Variants in NPC1L1 observed in about 807,000 individuals in gnomAD.
NPC1L1 encodes the protein NPC1 like intracellular cholesterol transporter 1, also known as NPC1-like intracellular cholesterol transporter 1.
A neutral mutation model predicts 117.0 loss-of-function variants in NPC1L1; 98 were observed. The observed-to-expected ratio is 0.84, with a 90% confidence interval of 0.71 to 0.99. The LOEUF (loss-of-function observed/expected upper bound fraction) is 0.99, where lower values mean the gene tolerates loss of function less well. Among genes scored for constraint, NPC1L1 ranks in the 50% least tolerant of loss-of-function variants. NPC1L1 has a pLI of 0.00. For missense variants in NPC1L1, 1,540 were observed against 1,710.0 expected, an observed-to-expected ratio of 0.90 and a Z score of 1.75; for synonymous variants, 729 against 727.6, an observed-to-expected ratio of 1.00 and a Z score of -0.03.
In NPC1L1 at chr7:44,515,870, G is replaced by A. The variant is rs1217611394; in HGVS notation, c.3729C>T (p.Asn1243=). 6.2e-7 allele frequency: 1 copy of A among 1,614,080 alleles called. No individual in the cohort carries two copies. Among genetic ancestry groups the A allele is most frequent in the African/African-American group, 1.3e-5 (1 of 74,936 alleles). The change falls in exon 18 of 19, where the codon AAC becomes AAT. Residue 1243 remains asparagine, a synonymous_variant. Transcript: ENST00000381160. The part of the protein sequence containing the change: ...QLIQIFFFRL[N]LLITLLGLLH... ...GCAGGCCCAGCAGAGTGATCAGGAG[G>A]TTGAGGCGGAAGAAGAAGATCTGAA...
chr7:44,519,516 G>A (rs1801287945), intron 14 of NPC1L1, among the ~76,000 whole-genome samples: 1 of 152,142 alleles, frequency 6.6e-6, no homozygotes, highest in Admixed American at 6.5e-5. Flanking sequence ...TTCATAGCTG[G>A]AAGGGTGGGG....
chr7:44,517,426 C>T, intron 14 of NPC1L1, 69 bp from the exon 15 acceptor site: 1 of 1,578,578 alleles, frequency 6.3e-7, no homozygotes, highest in Non-Finnish European at 8.6e-7. Flanking sequence ...AACTTCAGAA[C>T]ACCGCAGACG....
At chr7:44,529,341 A>G in intron 10 of NPC1L1, among the ~76,000 whole-genome samples, 1 of 152,002 alleles carries the variant, frequency 6.6e-6, no homozygotes. Flanking sequence ...AGTAACCAAA[A>G]GAGAATAGGG....
At chr7:44,524,010 T>C (rs1484386703) in intron 10 of NPC1L1, among the ~76,000 whole-genome samples, 1 of 152,230 alleles carries the variant, frequency 6.6e-6, no homozygotes, top group Non-Finnish European at 1.5e-5. Flanking sequence ...CTCCACATCT[T>C]ACTAAAGTGA....
In NPC1L1 at chr7:44,516,830, A is replaced by C. The variant is rs902225009; in HGVS notation, c.3392T>G (p.Leu1131Arg). The change falls in exon 16 of 19, where the codon CTG (leucine) becomes CGG (arginine). Residue 1131 changes from leucine to arginine, a missense_variant. Leu to Arg is a moderately radical substitution (Grantham distance 102, BLOSUM62 -2). This residue lies in a region of NPC1L1 where 742 missense variants were observed against 873.6 expected (regional missense o/e 0.85). Transcript: ENST00000381160. ...GAGGCCGGAGCGCAGGTCCAGGCCCAGCAGGAGGCAGGAGACAGCGAAGGT... is the reference window on the plus strand; with the variant it reads ...GAGGCCGGAGCGCAGGTCCAGGCCCCGCAGGAGGCAGGAGACAGCGAAGGT... ...VPTFAVSCLL[L>R]GLDLRSGLLN... 1 of 1,614,206 alleles carries C rather than the reference A, an allele frequency of 6.2e-7. No individual in the cohort carries two copies. Among genetic ancestry groups the C allele is most frequent in the Non-Finnish European group, 8.5e-7 (1 of 1,180,024 alleles).
At position 44,536,748 on chromosome 7, in the gene NPC1L1, G is replaced by T; in HGVS notation, c.1681+94C>A. ...AGAAGCCAGGCTACCCCCAGGCCGC[G>T]AGAATCCCCAGCACCACTCCCACCC... is the stretch of plus-strand genomic sequence containing the variant. On this transcript the variant is annotated intron_variant, in intron 3 of 18. Transcript: ENST00000381160. This position sits in a 1 kb window ranked among gnomAD's most constrained non-coding sequence, Gnocchi z 4.7. 1.7e-6 allele frequency: 2 copies of T among 1,169,200 alleles called. No homozygotes were observed. The highest frequency in any genetic ancestry group is 2.5e-6 in the Non-Finnish European group (2 of 787,390). The allele number at this position is 1,169,200 out of a possible 1,614,324, so 72.4% of individuals were successfully genotyped here.
rs1447300404 is a variant in NPC1L1, at chr7:44,516,770, T to A, written c.3452A>T (p.Asp1151Val). The change falls in exon 16 of 19, where the codon GAC (aspartate) becomes GTC (valine). Residue 1151 changes from aspartate (D) to valine (V), a missense_variant. By Grantham distance (152) the Asp-to-Val change is radical. Around this residue, in one of 3 missense-constraint regions of NPC1L1, gnomAD observed 742 missense variants for 873.6 expected, o/e 0.85. Coordinates refer to ENST00000381160, the MANE Select transcript of NPC1L1 (RefSeq NM_001101648.2). ...CCACAGGGCCATGAAGCCGACAGTG[T>A]CCACGAGGATCATGACAATGGAGAG... ...NLLSIVMILVDTVGFMALWGI... is the reference protein window; with the variant it reads ...NLLSIVMILVVTVGFMALWGI... 6.2e-7 allele frequency: 1 copy of A among 1,613,770 alleles called. No homozygotes were observed. Among genetic ancestry groups the A allele is most frequent in the South Asian group, 1.1e-5 (1 of 91,014 alleles).
intron 16 of NPC1L1, among the ~76,000 whole-genome samples, chr7:44,516,457 T>G (rs1171262603): frequency 6.6e-6 from 1 of 152,090 alleles, no homozygotes; most frequent in Non-Finnish European, 1.5e-5. Flanking sequence ...AATTAAAATA[T>G]TAGCTGGACG....
Position 44,513,759 on chromosome 7 carries a change from T to G in NPC1L1, c.3797-110A>C, listed in dbSNP as rs112924677. The stretch of plus-strand genomic sequence containing the variant: ...AGGGCAGGAAGGGTCCCAGGGGGGA[T>G]CTGTGCCATGTGCCTTCCAGGGTCA... On this transcript the variant is annotated intron_variant, in intron 18 of 18. Transcript: ENST00000381160. The G allele has an allele frequency of 1.4e-3, 1,706 of 1,207,572 alleles. 17 individuals carry two copies. The African/African-American group carries it at 0.021, about 15-fold the overall frequency. 74.8% of individuals were successfully genotyped at this position (1,207,572 alleles called of 1,614,324 possible).
In NPC1L1 at chr7:44,539,536, G is replaced by A. The variant is rs1423600709; in HGVS notation, c.861C>T (p.Leu287=). The change falls in exon 2 of 19, where the codon CTC becomes CTT. Residue 287 remains leucine (L), a synonymous_variant. Coordinates refer to ENST00000381160, the MANE Select transcript of NPC1L1 (RefSeq NM_001101648.2). The surrounding 1 kb of genome is among the most constrained non-coding windows in gnomAD (Gnocchi z 4.4). ...CGAAGACAGAGCAGAGGATGATGAT[G>A]AGGACCAGACTGCCCGGCATCTGGC... is the stretch of plus-strand genomic sequence containing the variant. ...YLGQMPGSLV[L]IIILCSVFAV... 6.2e-7 allele frequency: 1 copy of A among 1,613,968 alleles called. No individual in the cohort carries two copies. The highest frequency in any genetic ancestry group is 2.2e-5 in the East Asian group (1 of 44,872).
At chr7:44,522,906 C>T (rs1342532087) in intron 10 of NPC1L1, among the ~76,000 whole-genome samples, 2 of 152,210 alleles carry the variant, frequency 1.3e-5, no homozygotes, top group African/African-American at 2.4e-5. Context: ...AGTGTGCACA[C>T]CCTCAAAGCC....
At chr7:44,514,042 C>T (rs1801116510) in intron 18 of NPC1L1, among the ~76,000 whole-genome samples, 1 of 152,194 alleles carries the variant, frequency 6.6e-6, no homozygotes, top group Non-Finnish European at 1.5e-5. Flanking sequence ...TGTGTGGGCT[C>T]CAACCCCTAC....
At chr7:44,527,596 T>C (rs1316389809) in intron 10 of NPC1L1, among the ~76,000 whole-genome samples, 1 of 152,036 alleles carries the variant, frequency 6.6e-6, no homozygotes, top group Non-Finnish European at 1.5e-5. Flanking sequence ...GAGAGGATCT[T>C]TTGAGGCCAG....
At chr7:44,519,875 A>T (rs1306950692) in intron 14 of NPC1L1, among the ~76,000 whole-genome samples, 2 of 151,012 alleles carry the variant, frequency 1.3e-5, no homozygotes, top group African/African-American at 4.9e-5. Context: ...TTGCGATCAC[A>T]GTTCACTACA....
At chr7:44,524,465 A>G (rs950335970) in intron 10 of NPC1L1, among the ~76,000 whole-genome samples, 7 of 152,158 alleles carry the variant, frequency 4.6e-5, no homozygotes, top group East Asian at 1.9e-4. Flanking sequence ...CTTCAAAACA[A>G]TTGTCTCAGC....
chr7:44,526,580 A>G (rs1018922639), intron 10 of NPC1L1, among the ~76,000 whole-genome samples: 1 of 151,796 alleles, frequency 6.6e-6, no homozygotes, highest in Non-Finnish European at 1.5e-5. Context: ...AATTAAAAAT[A>G]AAAATGAGGG....
intron 18 of NPC1L1, among the ~76,000 whole-genome samples, chr7:44,514,474 A>G (rs1801125641): frequency 6.6e-6 from 1 of 152,088 alleles, no homozygotes; most frequent in Non-Finnish European, 1.5e-5. Flanking sequence ...GTTCGAGACC[A>G]GCCTGACCAA....
Position 44,534,535 on chromosome 7 carries a change from C to T in NPC1L1, c.2078G>A (p.Arg693His), listed in dbSNP as rs770897966. ...CACTTGCAGGATGACCAGGGAGGAGCGGATACCCAAGTAGGAGAAGAAGCC... is the reference window on the plus strand; with the variant it reads ...CACTTGCAGGATGACCAGGGAGGAGTGGATACCCAAGTAGGAGAAGAAGCC... ...AMGFFSYLGIRSSLVILQVVP... is the reference protein window; with the variant it reads ...AMGFFSYLGIHSSLVILQVVP... The change falls in exon 6 of 19, where the codon CGC becomes CAC. Residue 693 changes from arginine to histidine, a missense_variant. Physicochemically the swap from Arg to His is conservative, Grantham distance 29. Transcript: ENST00000381160. This position sits in a 1 kb window ranked among gnomAD's most constrained non-coding sequence, Gnocchi z 5.2. The T allele has an allele frequency of 9.3e-5, 150 of 1,614,118 alleles. No homozygotes were observed. Among genetic ancestry groups the T allele is most frequent in the Middle Eastern group, 1.6e-4 (1 of 6,062 alleles).
At position 44,528,400 on chromosome 7, in the gene NPC1L1, T is replaced by C. The variant is rs779177498; in HGVS notation, c.2637+3355A>G. On this transcript the variant is annotated intron_variant, in intron 10 of 18. Transcript: ENST00000381160. ...GATTACAGGCATAAGCCACCATGGC[T>C]AGCTCAAGATATAATTTTGTGACAT... Among the ~76,000 whole-genome samples, 9 of 152,332 alleles carry C rather than the reference T, an allele frequency of 5.9e-5. No homozygotes were observed. In the East Asian group the frequency reaches 1.5e-3, roughly 26 times the overall value.
Sources: gnomAD v4.1 joint callset for allele counts (sites outside exome capture counted in the v4.1 genomes callset) on GRCh38, gnomAD v4.1.1 for gene constraint, gnomAD v4.1.1 regional missense constraint, Gnocchi (gnomAD v3.1) non-coding constraint, MANE v1.5 for transcripts, NCBI Gene and HGNC (gene_info 2026-07-23, HGNC 2026-07-21) for gene names.